IMMP2L: variants seen among roughly 807,000 people sequenced by gnomAD.
The protein encoded by IMMP2L is mitochondrial inner membrane protease subunit 2.
A neutral mutation model predicts 19.3 loss-of-function variants in IMMP2L; 18 were observed. That is an observed-to-expected ratio of 0.93 (90% CI 0.64 to 1.38). The LOEUF (loss-of-function observed/expected upper bound fraction) is 1.38. Ranked by LOEUF, IMMP2L falls within the 40% of genes most tolerant of loss-of-function variation. IMMP2L has a pLI of 0.00. For synonymous variants in IMMP2L, 76 were observed against 73.0 expected (o/e 1.04, Z -0.21); for missense variants, 233 against 218.2 (o/e 1.07, Z -0.43).
At chr7:111,388,706 C>T (rs1832036122) in intron 3 of IMMP2L, among the ~76,000 whole-genome samples, 1 of 151,872 alleles carries the variant, frequency 6.6e-6, no homozygotes, top group Non-Finnish European at 1.5e-5. Context: ...GCAGAAACCC[C>T]GGATAAACAC....
intron 5 of IMMP2L, among the ~76,000 whole-genome samples, chr7:110,716,692 T>C (rs1171599779): frequency 6.6e-6 from 1 of 152,220 alleles, no homozygotes; most frequent in Non-Finnish European, 1.5e-5. Context: ...GAGGTTCTCT[T>C]TGCATGTGAT....
chr7:111,226,698 A>C (rs1045136404), intron 3 of IMMP2L, among the ~76,000 whole-genome samples: 13 of 152,152 alleles, frequency 8.5e-5, no homozygotes, highest in African/African-American at 2.4e-4. Flanking sequence ...TGAAATAAGA[A>C]ATAAATTTTA....
intron 3 of IMMP2L, among the ~76,000 whole-genome samples, chr7:111,344,100 C>T (rs775376253): frequency 1.2e-4 from 19 of 152,182 alleles, no homozygotes; most frequent in Non-Finnish European, 2.5e-4. Context: ...TTGCCCCATC[C>T]AATTTATTTT....
chr7:111,139,448 C>T (rs971103987), intron 3 of IMMP2L, among the ~76,000 whole-genome samples: 1 of 151,990 alleles, frequency 6.6e-6, no homozygotes, highest in African/African-American at 2.4e-5. Context: ...ATGTTAGAAG[C>T]TTCAGGGGAT....
chr7:111,151,461 A>G lies in IMMP2L; in HGVS notation c.240-187896T>C, dbSNP rs1284263465. 2.0e-5 allele frequency among the ~76,000 whole-genome samples: 3 copies of G among 152,190 alleles called. No individual in the cohort carries two copies. The East Asian group carries it at 5.8e-4, about 29-fold the overall frequency. On this transcript the variant is annotated intron_variant, in intron 3 of 5. Coordinates refer to ENST00000405709, the MANE Select transcript of IMMP2L (RefSeq NM_032549.4). ...ATGAGAGAGGGGGAGGAAGAGAGAA[A>G]GAGACAGAGACAGAACGAGACAGAG...
At chr7:110,745,506 G>A (rs973942667) in intron 5 of IMMP2L, among the ~76,000 whole-genome samples, 2 of 152,152 alleles carry the variant, frequency 1.3e-5, no homozygotes, top group Non-Finnish European at 2.9e-5. Context: ...AGAGAGAAAC[G>A]TCAGGTTACC....
chr7:110,685,374 T>C (rs1793041623), intron 5 of IMMP2L, among the ~76,000 whole-genome samples: 1 of 152,304 alleles, frequency 6.6e-6, no homozygotes, highest in South Asian at 2.1e-4. Flanking sequence ...AATTAAATGG[T>C]ATAATTTGCA....
At chr7:110,867,283 C>T (rs1490142039) in intron 5 of IMMP2L, among the ~76,000 whole-genome samples, 1 of 151,854 alleles carries the variant, frequency 6.6e-6, no homozygotes, top group Non-Finnish European at 1.5e-5. Flanking sequence ...GGGTCTCTGC[C>T]TCATCTTATA....
chr7:110,680,092 G>C (rs558074485), intron 5 of IMMP2L, among the ~76,000 whole-genome samples: 1 of 152,214 alleles, frequency 6.6e-6, no homozygotes, highest in African/African-American at 2.4e-5. Context: ...CTGGCAATTT[G>C]GTGAATATTA....
chr7:111,176,086 A>G (rs1807030072), intron 3 of IMMP2L, among the ~76,000 whole-genome samples: 1 of 152,042 alleles, frequency 6.6e-6, no homozygotes, highest in African/African-American at 2.4e-5. Flanking sequence ...ATCTCACTCC[A>G]GTTCAAATGA....
intron 5 of IMMP2L, among the ~76,000 whole-genome samples, chr7:110,839,360 C>T (rs1469316675): frequency 2.6e-5 from 4 of 152,028 alleles, no homozygotes; most frequent in African/African-American, 7.2e-5. Flanking sequence ...ATAATTCAGG[C>T]TGTGCTAAAA....
Position 111,485,617 on chromosome 7 carries a change from A to AAAAAAAAAC in IMMP2L, c.239+1612_239+1620dup, listed in dbSNP as rs1187181701. The stretch of plus-strand genomic sequence containing the variant: ...TGTTTCAAAAAAAAAAAAAAAAAAA[A>AAAAAAAAAC]AAAAAAAACACAGTTCAACTGGAAT... On this transcript the variant is annotated intron_variant, in intron 3 of 5. Coordinates refer to ENST00000405709, the MANE Select transcript of IMMP2L (RefSeq NM_032549.4). Among the ~76,000 whole-genome samples the AAAAAAAAAC allele has an allele frequency of 2.7e-3, 401 of 147,136 alleles. 14 individuals are homozygous for AAAAAAAAAC. The highest frequency in any genetic ancestry group is 0.01 in the African/African-American group (387 of 38,132).
intron 3 of IMMP2L, among the ~76,000 whole-genome samples, chr7:111,051,996 T>C (rs575894073): frequency 3.1e-4 from 47 of 152,314 alleles, no homozygotes; most frequent in Non-Finnish European, 4.7e-4. Context: ...CTTTGGAGTT[T>C]AGGCACAAAT....
At chr7:111,196,811 G>T (rs963903862) in intron 3 of IMMP2L, among the ~76,000 whole-genome samples, 2 of 151,876 alleles carry the variant, frequency 1.3e-5, no homozygotes, top group African/African-American at 4.8e-5. Context: ...TTACGTAAAC[G>T]CTCTCATACT....
intron 3 of IMMP2L, among the ~76,000 whole-genome samples, chr7:111,076,484 A>G (rs1040940927): frequency 2.0e-5 from 3 of 152,070 alleles, no homozygotes; most frequent in Non-Finnish European, 2.9e-5. Flanking sequence ...AGTTCTTTGT[A>G]GCTGAATCAG....
At chr7:111,154,151 A>G (rs1226426549) in intron 3 of IMMP2L, among the ~76,000 whole-genome samples, 2 of 152,116 alleles carry the variant, frequency 1.3e-5, no homozygotes, top group African/African-American at 2.4e-5. Context: ...TTAAAGAAGT[A>G]TATGCTCTAT....
chr7:111,208,708 A>G (rs1450676969), intron 3 of IMMP2L, among the ~76,000 whole-genome samples: 3 of 152,216 alleles, frequency 2.0e-5, no homozygotes, highest in African/African-American at 7.2e-5. Context: ...GAGGCTGGGC[A>G]TAGAATACAC....
intron 3 of IMMP2L, among the ~76,000 whole-genome samples, chr7:111,050,431 A>G (rs766919559): frequency 1.8e-4 from 28 of 152,236 alleles, no homozygotes; most frequent in Non-Finnish European, 3.7e-4. Flanking sequence ...AAACAACTGT[A>G]AAGTATCAGC....
At chr7:110,729,603 T>C (rs907639355) in intron 5 of IMMP2L, among the ~76,000 whole-genome samples, 1 of 152,236 alleles carries the variant, frequency 6.6e-6, no homozygotes, top group Non-Finnish European at 1.5e-5. Flanking sequence ...GTTATTTTCA[T>C]TTTGGGGTGA....
Sources: gnomAD v4.1 joint callset for allele counts (sites outside exome capture counted in the v4.1 genomes callset) on GRCh38, gnomAD v4.1.1 for gene constraint, MANE v1.5 for transcripts, NCBI Gene and HGNC (gene_info 2026-07-23, HGNC 2026-07-21) for gene names.